Variants in CNTN4 observed in about 807,000 individuals in gnomAD.
CNTN4 encodes contactin-4.
Under a neutral mutation model 122.5 loss-of-function variants are expected in CNTN4, and 77 were observed. The ratio of observed to expected loss-of-function variants is 0.63; its 90% CI spans 0.52 to 0.76. CNTN4 has a LOEUF of 0.76. CNTN4 is among the 30% of genes least tolerant of loss of function. The pLI, the probability that CNTN4 is intolerant of heterozygous loss-of-function variation, is 0.00. For missense variants in CNTN4, 1,256 were observed against 1,259.1 expected (o/e 1.00, Z 0.04); for synonymous variants, 512 against 447.0 (o/e 1.15, Z -1.83).
Position 2,605,052 on chromosome 3 carries a change from G to A in CNTN4, c.55+33494G>A, listed in dbSNP as rs138552055. 3.4e-4 allele frequency among the ~76,000 whole-genome samples: 51 copies of A among 152,194 alleles called. No homozygotes were observed. In the East Asian group the frequency reaches 9.8e-3, roughly 29 times the overall value. ...GACAGAATCTTACTCTGTCACCCAG[G>A]CTAGAGTTCAGTAGTGTCATCATAG... On this transcript the variant is annotated intron_variant, in intron 4 of 24. Coordinates refer to ENST00000418658, the MANE Select transcript of CNTN4 (RefSeq NM_175607.3).
At chr3:2,462,266 A>G (rs1222248812) in intron 3 of CNTN4, among the ~76,000 whole-genome samples, 9 of 152,168 alleles carry the variant, frequency 5.9e-5, no homozygotes, top group Non-Finnish European at 1.0e-4. Context: ...CATGACTGCA[A>G]TTCTGGGCTG....
intron 2 of CNTN4, among the ~76,000 whole-genome samples, chr3:2,307,705 A>G (rs2042768916): frequency 6.6e-6 from 1 of 152,114 alleles, no homozygotes; most frequent in Non-Finnish European, 1.5e-5. Flanking sequence ...TTGTATTAAT[A>G]TGGTGTGCTA....
At chr3:3,016,132 T>TC (rs1697735827) in intron 14 of CNTN4, among the ~76,000 whole-genome samples, 1 of 152,244 alleles carries the variant, frequency 6.6e-6, no homozygotes, top group South Asian at 2.1e-4. Flanking sequence ...TTCTTTTTTA[T>TC]CTTCCATCAC....
chr3:2,269,581 C>T (rs965396411), intron 2 of CNTN4, among the ~76,000 whole-genome samples: 3 of 152,048 alleles, frequency 2.0e-5, no homozygotes, highest in African/African-American at 7.2e-5. Context: ...TTTCAAGTTG[C>T]TTTAAGAAAT....
At chr3:2,828,436 C>T (rs1343201829) in intron 7 of CNTN4, among the ~76,000 whole-genome samples, 1 of 152,172 alleles carries the variant, frequency 6.6e-6, no homozygotes, top group Non-Finnish European at 1.5e-5. Context: ...ATCTCGTCAT[C>T]TGGTCTTGGA....
chr3:3,047,797 T>C (rs923141933), intron 23 of CNTN4, among the ~76,000 whole-genome samples: 2 of 150,682 alleles, frequency 1.3e-5, no homozygotes, highest in African/African-American at 4.9e-5. Context: ...CTGAAGGAGA[T>C]AGAGACACAA....
In CNTN4 at chr3:2,737,279, C is replaced by T. The variant is rs113292673; in HGVS notation, c.182+938C>T. The stretch of plus-strand genomic sequence containing the variant: ...TATTTTCAGTAGAGATGGGGTTTCA[C>T]CATGTTGGCCAAACTGGTCTCGTAT... On this transcript the variant is annotated intron_variant, in intron 5 of 24. Transcript: ENST00000418658. Among the ~76,000 whole-genome samples the T allele has an allele frequency of 6.5e-3, 982 of 152,028 alleles. 8 individuals are homozygous for T. Among genetic ancestry groups the T allele is most frequent in the Middle Eastern group, 0.017 (5 of 294 alleles).
chr3:2,475,431 G>C (rs535484255), intron 3 of CNTN4, among the ~76,000 whole-genome samples: 1 of 152,290 alleles, frequency 6.6e-6, no homozygotes, highest in South Asian at 2.1e-4. Flanking sequence ...GTAGGATCCA[G>C]TGAGCTTAGG....
intron 3 of CNTN4, among the ~76,000 whole-genome samples, chr3:2,469,590 C>G (rs931810751): frequency 1.7e-4 from 26 of 152,194 alleles, no homozygotes; most frequent in African/African-American, 6.0e-4. Flanking sequence ...ACTGGGTCAA[C>G]TTAAAGCCTC....
chr3:2,178,334 G>A (rs756544655), intron 2 of CNTN4, among the ~76,000 whole-genome samples: 44 of 151,788 alleles, frequency 2.9e-4, no homozygotes, highest in Non-Finnish European at 2.4e-4. Context: ...TTATAGAAAC[G>A]TTCTGGCATA....
At chr3:2,481,418 G>A (rs1053219740) in intron 3 of CNTN4, among the ~76,000 whole-genome samples, 1 of 152,122 alleles carries the variant, frequency 6.6e-6, no homozygotes, top group Admixed American at 6.5e-5. Flanking sequence ...TGGGATTACA[G>A]GTGTGAGCCA....
At chr3:2,386,410 C>G (rs1484040300) in intron 3 of CNTN4, among the ~76,000 whole-genome samples, 1 of 152,166 alleles carries the variant, frequency 6.6e-6, no homozygotes, top group East Asian at 1.9e-4. Flanking sequence ...ACAAAGAATG[C>G]TTTCCCCATC....
rs1056577788 is a variant in CNTN4, at chr3:2,385,972, T to G, written c.-89+46739T>G. 1.3e-5 allele frequency among the ~76,000 whole-genome samples: 2 copies of G among 152,130 alleles called. No individual in the cohort carries two copies. Among genetic ancestry groups the G allele is most frequent in the Admixed American group, 1.3e-4 (2 of 15,262 alleles). On this transcript the variant is annotated intron_variant, in intron 3 of 24. Transcript: ENST00000418658. This position sits in a 1 kb window ranked among gnomAD's most constrained non-coding sequence, Gnocchi z 4.0. ...GCTCCCGAGAATCCTTCTTTTTATG[T>G]TCAGAAGAGAGGTTATCACCCCACC...
intron 3 of CNTN4, among the ~76,000 whole-genome samples, chr3:2,378,828 G>A (rs1371841654): frequency 6.6e-6 from 1 of 151,662 alleles, no homozygotes; most frequent in Non-Finnish European, 1.5e-5. Flanking sequence ...AGGAGAATTT[G>A]TGTTGTCATT....
At chr3:2,120,465 A>G (rs1218208438) in intron 2 of CNTN4, among the ~76,000 whole-genome samples, 2 of 139,262 alleles carry the variant, frequency 1.4e-5, no homozygotes, top group African/African-American at 5.6e-5. Context: ...ATGCAGTGGC[A>G]TGGTCTCCAC....
intron 3 of CNTN4, among the ~76,000 whole-genome samples, chr3:2,556,976 G>C (rs2078746641): frequency 1.3e-5 from 2 of 152,168 alleles, no homozygotes; most frequent in Admixed American, 1.3e-4. Context: ...AAGAAAAACT[G>C]TATGTAGGCA....
intron 6 of CNTN4, among the ~76,000 whole-genome samples, chr3:2,748,433 A>G (rs1237226743): frequency 6.6e-6 from 1 of 152,128 alleles, no homozygotes. Context: ...TTTCAATCAG[A>G]CATAATGATT....
intron 2 of CNTN4, among the ~76,000 whole-genome samples, chr3:2,316,672 T>C (rs944206146): frequency 8.5e-5 from 13 of 152,158 alleles, no homozygotes; most frequent in African/African-American, 2.9e-4. Flanking sequence ...TTTGTCTTCA[T>C]TTTCCCCATT....
intron 14 of CNTN4, among the ~76,000 whole-genome samples, chr3:3,004,954 T>C (rs1280825752): frequency 6.6e-5 from 10 of 152,150 alleles, no homozygotes; most frequent in Admixed American, 5.9e-4. Context: ...AAGTTGAAGC[T>C]CCTTCTTTTA....
Sources: gnomAD v4.1 joint callset for allele counts (sites outside exome capture counted in the v4.1 genomes callset) on GRCh38, gnomAD v4.1.1 for gene constraint, Gnocchi (gnomAD v3.1) non-coding constraint, MANE v1.5 for transcripts, NCBI Gene and HGNC (gene_info 2026-07-23, HGNC 2026-07-21) for gene names.